Variants in RBM46 observed in about 807,000 individuals in gnomAD.
The protein encoded by RBM46 is RNA binding motif protein 46, also known as probable RNA-binding protein 46.
A neutral mutation model predicts 43.3 loss-of-function variants in RBM46; 12 were observed. The ratio of observed to expected loss-of-function variants is 0.28; its 90% CI spans 0.18 to 0.45. The LOEUF is 0.45. Among genes scored for constraint, RBM46 ranks in the 20% least tolerant of loss-of-function variants. The pLI is 1.00. For synonymous variants in RBM46, 205 were observed against 207.6 expected (o/e 0.99, Z 0.11); for missense variants, 412 against 639.1 (o/e 0.64, Z 3.83).
rs761540951 is a variant in RBM46 at position 154,796,732 on chromosome 4, T to C, written c.-11-10T>C. ...GTAAACTTAACCAGTGTTATTAAACTTTATTTTAGGAACTGCAACCATGAA... is the reference window on the plus strand; with the variant it reads ...GTAAACTTAACCAGTGTTATTAAACCTTATTTTAGGAACTGCAACCATGAA... On this transcript the variant is annotated splice_polypyrimidine_tract_variant and intron_variant, in intron 1 of 4. Transcript: ENST00000281722. 5.7e-6 allele frequency: 9 copies of C among 1,580,974 alleles called. No individual in the cohort carries two copies. Among genetic ancestry groups the C allele is most frequent in the Non-Finnish European group, 7.7e-6 (9 of 1,162,098 alleles).
In RBM46 at chr4:154,822,890, A is replaced by C. The variant is rs575469480; in HGVS notation, c.1403-4978A>C. Reference sequence around the variant, plus strand: ...CAATTTCTCAAAAAGTTTTACTGGGAATTACTGTATGACTCAGCAGTTTCA... The same window carrying C: ...CAATTTCTCAAAAAGTTTTACTGGGCATTACTGTATGACTCAGCAGTTTCA... On this transcript the variant is annotated intron_variant, in intron 4 of 4. Transcript: ENST00000281722. Among the ~76,000 whole-genome samples, 5 of 151,924 alleles carry C rather than the reference A, an allele frequency of 3.3e-5. No individual in the cohort carries two copies. In the South Asian group the frequency reaches 1.0e-3, roughly 31 times the overall value.
At chr4:154,797,728 A>C in intron 2 of RBM46, 83 bp from the exon 3 acceptor site, 1 of 968,736 alleles carries the variant, frequency 1.0e-6, no homozygotes, top group Non-Finnish European at 1.5e-6. Flanking sequence ...TAGCACAGCA[A>C]ATTTGTTGAA....
chr4:154,814,753 A>G (rs1341528248), intron 4 of RBM46, among the ~76,000 whole-genome samples: 1 of 151,952 alleles, frequency 6.6e-6, no homozygotes, highest in Admixed American at 6.6e-5. Flanking sequence ...TTTGGTAGTA[A>G]CTATAAAGTG....
intron 4 of RBM46, among the ~76,000 whole-genome samples, chr4:154,826,157 A>G (rs1735948543): frequency 6.6e-6 from 1 of 151,708 alleles, no homozygotes; most frequent in African/African-American, 2.4e-5. Flanking sequence ...TTTAAAAAAA[A>G]AAAAAGAAAA....
At chr4:154,814,941 C>T (rs757968056) in intron 4 of RBM46, among the ~76,000 whole-genome samples, 32 of 151,424 alleles carry the variant, frequency 2.1e-4, no homozygotes, top group Non-Finnish European at 3.8e-4. Flanking sequence ...GGGACTATGT[C>T]GGTATAACTC....
At chr4:154,814,662 G>T (rs1432816041) in intron 4 of RBM46, among the ~76,000 whole-genome samples, 1 of 151,960 alleles carries the variant, frequency 6.6e-6, no homozygotes, top group African/African-American at 2.4e-5. Context: ...GAATTGTTCT[G>T]TATTTAATAA....
intron 1 of RBM46, chr4:154,781,666 C>T (rs1337330374): frequency 6.6e-6 from 1 of 152,380 alleles, no homozygotes; most frequent in Non-Finnish European, 1.5e-5. Flanking sequence ...CACCCAGGCG[C>T]TGCATGGTGA....
intron 4 of RBM46, among the ~76,000 whole-genome samples, chr4:154,821,772 ACT>A (rs1476846667): frequency 6.6e-6 from 1 of 151,626 alleles, no homozygotes; most frequent in Non-Finnish European, 1.5e-5. Flanking sequence ...TTATGTATTA[ACT>A]CCATTGAGAT....
intron 1 of RBM46, among the ~76,000 whole-genome samples, chr4:154,785,594 ATTC>A (rs1267419539): frequency 6.6e-6 from 1 of 152,094 alleles, no homozygotes; most frequent in African/African-American, 2.4e-5. Context: ...TCTTAACTAG[ATTC>A]TTGTTTTTTC....
intron 4 of RBM46, among the ~76,000 whole-genome samples, chr4:154,800,133 C>T (rs1455015402): frequency 1.3e-5 from 2 of 151,902 alleles, no homozygotes; most frequent in Non-Finnish European, 2.9e-5. Flanking sequence ...TGTTCATAAC[C>T]CTGTTTTATT....
chr4:154,803,300 T>A (rs962516445), intron 4 of RBM46, among the ~76,000 whole-genome samples: 26 of 152,278 alleles, frequency 1.7e-4, no homozygotes, highest in African/African-American at 6.3e-4. Context: ...AATAGAACCT[T>A]CCTTATCCTT....
chr4:154,788,294 T>A (rs1733888006), intron 1 of RBM46, among the ~76,000 whole-genome samples: 1 of 152,224 alleles, frequency 6.6e-6, no homozygotes, highest in Non-Finnish European at 1.5e-5. Context: ...TGCCTAGGTT[T>A]TCTTCTAGGG....
At chr4:154,803,156 G>A (rs796552416) in intron 4 of RBM46, among the ~76,000 whole-genome samples, 28 of 152,262 alleles carry the variant, frequency 1.8e-4, no homozygotes, top group African/African-American at 6.7e-4. Context: ...CATCTCAAAA[G>A]TTCTTGGTTT....
chr4:154,817,102 A>C (rs1274361670), intron 4 of RBM46, among the ~76,000 whole-genome samples: 1 of 151,998 alleles, frequency 6.6e-6, no homozygotes, highest in African/African-American at 2.4e-5. Flanking sequence ...ATCTGTGTTC[A>C]TTAGTGAGAT....
chr4:154,782,654 T>A (rs943274234), intron 1 of RBM46, among the ~76,000 whole-genome samples: 1 of 152,032 alleles, frequency 6.6e-6, no homozygotes, highest in Non-Finnish European at 1.5e-5. Flanking sequence ...CACAGCTGAT[T>A]TTTGTATTAG....
At chr4:154,823,050 A>G (rs541534731) in intron 4 of RBM46, among the ~76,000 whole-genome samples, 2 of 152,010 alleles carry the variant, frequency 1.3e-5, no homozygotes, top group East Asian at 3.9e-4. Flanking sequence ...ATGAATGGAT[A>G]AACAATGTGT....
At chr4:154,792,348 G>A (rs937983532) in intron 1 of RBM46, among the ~76,000 whole-genome samples, 1 of 152,170 alleles carries the variant, frequency 6.6e-6, no homozygotes, top group Admixed American at 6.5e-5. Context: ...GAATTTCATA[G>A]ATTAAGAAAG....
At chr4:154,809,591 A>G (rs1157906210) in intron 4 of RBM46, among the ~76,000 whole-genome samples, 1 of 152,134 alleles carries the variant, frequency 6.6e-6, no homozygotes, top group Non-Finnish European at 1.5e-5. Flanking sequence ...GATTCTAGAA[A>G]TTTACACAAA....
At chr4:154,794,106 C>T (rs919338918) in intron 1 of RBM46, among the ~76,000 whole-genome samples, 4 of 151,764 alleles carry the variant, frequency 2.6e-5, no homozygotes, top group African/African-American at 7.3e-5. Context: ...AGTCAGACCC[C>T]TTATCCCTTC....
Sources: gnomAD v4.1 joint callset for allele counts (sites outside exome capture counted in the v4.1 genomes callset) on GRCh38, gnomAD v4.1.1 for gene constraint, MANE v1.5 for transcripts, NCBI Gene and HGNC (gene_info 2026-07-23, HGNC 2026-07-21) for gene names.